The following FBH1 variants were observed in gnomAD, a reference collection of about 807,000 sequenced individuals.
The protein encoded by FBH1 is DNA 3'-5' helicase 1.
Under a neutral mutation model 115.5 loss-of-function variants are expected in FBH1, and 43 were observed. The ratio of observed to expected loss-of-function variants is 0.37; its 90% CI spans 0.29 to 0.48. The LOEUF (loss-of-function observed/expected upper bound fraction) is 0.48, where lower values mean the gene tolerates loss of function less well. Among genes scored for constraint, FBH1 ranks in the 20% least tolerant of loss-of-function variants. FBH1 has a pLI of 0.99. For missense variants in FBH1, 1,001 were observed against 1,337.3 expected (o/e 0.75, Z 3.92); for synonymous variants, 524 against 507.8 (o/e 1.03, Z -0.43).
Position 5,933,278 on chromosome 10 carries a change from C to T in FBH1, c.2830-3178C>T, listed in dbSNP as rs1283277809. 6.6e-6 allele frequency among the ~76,000 whole-genome samples: 1 copy of T among 152,160 alleles called. No individual in the cohort carries two copies. Among genetic ancestry groups the T allele is most frequent in the Non-Finnish European group, 1.5e-5 (1 of 68,030 alleles). ...TGGCGTATGCCTGTAATCCCAGCTA[C>T]TCAGGAGGCTGAGGCAGGAGAATCA... On this transcript the variant is annotated intron_variant, in intron 19 of 20. Coordinates refer to ENST00000362091, the MANE Select transcript of FBH1 (RefSeq NM_178150.3). This position sits in a 1 kb window ranked among gnomAD's most constrained non-coding sequence, Gnocchi z 4.9.
At chr10:5,904,204 G>C (rs1344716918) in intron 2 of FBH1, among the ~76,000 whole-genome samples, 1 of 151,784 alleles carries the variant, frequency 6.6e-6, no homozygotes, top group Non-Finnish European at 1.5e-5. Context: ...GCTAATTTTT[G>C]TATTTTTTTG....
intron 19 of FBH1, among the ~76,000 whole-genome samples, chr10:5,928,952 G>C (rs1308388921): frequency 6.6e-6 from 1 of 152,186 alleles, no homozygotes; most frequent in Non-Finnish European, 1.5e-5. Context: ...CTCTCGTGGG[G>C]TGAGCCGCGC....
intron 1 of FBH1, among the ~76,000 whole-genome samples, chr10:5,899,464 T>G (rs1215796884): frequency 2.0e-5 from 3 of 152,246 alleles, no homozygotes; most frequent in Non-Finnish European, 4.4e-5. Flanking sequence ...GTTATTTATT[T>G]TATTTTTTTC....
rs1843101912 is a variant in FBH1 at position 5,897,840 on chromosome 10, C to G, written c.2-5180C>G. ...TGTCTTTGTTAGATTTCTGCAAACACTTAATCTTCGCAACAAGCATTTTGG... is the reference window on the plus strand; with the variant it reads ...TGTCTTTGTTAGATTTCTGCAAACAGTTAATCTTCGCAACAAGCATTTTGG... On this transcript the variant is annotated intron_variant, in intron 1 of 20. Transcript: ENST00000362091. The surrounding 1 kb of genome is among the most constrained non-coding windows in gnomAD (Gnocchi z 4.7). Among the ~76,000 whole-genome samples the G allele has an allele frequency of 6.6e-6, 1 of 152,238 alleles. No homozygotes were observed. Among genetic ancestry groups the G allele is most frequent in the South Asian group, 2.1e-4 (1 of 4,824 alleles).
At position 5,900,839 on chromosome 10, in the gene FBH1, G is replaced by C. The variant is rs951126037; in HGVS notation, c.2-2181G>C. Among the ~76,000 whole-genome samples the C allele has an allele frequency of 6.6e-6, 1 of 152,200 alleles. No individual in the cohort carries two copies. Among genetic ancestry groups the C allele is most frequent in the Non-Finnish European group, 1.5e-5 (1 of 68,040 alleles). ...AAGCTGGGCACAGTGGCTCACATCTGTAATCCCAGCACTTTGGGAGGCCGA... is the reference window on the plus strand; with the variant it reads ...AAGCTGGGCACAGTGGCTCACATCTCTAATCCCAGCACTTTGGGAGGCCGA... On this transcript the variant is annotated intron_variant, in intron 1 of 20. Coordinates refer to ENST00000362091, the MANE Select transcript of FBH1 (RefSeq NM_178150.3). The surrounding 1 kb of genome is among the most constrained non-coding windows in gnomAD (Gnocchi z 4.2).
chr10:5,916,099 G>T, intron 9 of FBH1, 135 bp from the exon 10 acceptor site: 1 of 762,490 alleles, frequency 1.3e-6, no homozygotes, highest in South Asian at 1.8e-5. Flanking sequence ...GAACTTTTTC[G>T]CTTTAAAACA....
intron 1 of FBH1, among the ~76,000 whole-genome samples, chr10:5,890,772 C>G (rs780215430): frequency 6.6e-6 from 1 of 152,100 alleles, no homozygotes; most frequent in African/African-American, 2.4e-5. Context: ...GGTAGCTTCT[C>G]TGCCCCTCCT....
rs898401696 is a variant in FBH1 at position 5,923,040 on chromosome 10, A to T, written c.2323-581A>T. On this transcript the variant is annotated intron_variant, in intron 15 of 20. Transcript: ENST00000362091. This position sits in a 1 kb window ranked among gnomAD's most constrained non-coding sequence, Gnocchi z 5.7. ...TGGGACCATAGGCGCCTGCCACCAC[A>T]CCCGGCTAATTTTTGTATTTTTGGT... Among the ~76,000 whole-genome samples the T allele has an allele frequency of 1.5e-4, 22 of 151,684 alleles. No individual in the cohort carries two copies. Among genetic ancestry groups the T allele is most frequent in the Non-Finnish European group, 2.9e-4 (20 of 67,936 alleles).
chr10:5,910,693 T>G lies in FBH1; in HGVS notation c.1021-245T>G, dbSNP rs1831526741. Among the ~76,000 whole-genome samples the G allele has an allele frequency of 6.6e-6, 1 of 152,202 alleles. No individual in the cohort carries two copies. The highest frequency in any genetic ancestry group is 2.4e-5 in the African/African-American group (1 of 41,436). ...CTGTCCAAGGTTCTATGTTAGATAC[T>G]TCATCCGTGTTATTTAATTAAAGAA... On this transcript the variant is annotated intron_variant, in intron 5 of 20. Coordinates refer to ENST00000362091, the MANE Select transcript of FBH1 (RefSeq NM_178150.3). The surrounding 1 kb of genome is among the most constrained non-coding windows in gnomAD (Gnocchi z 4.8).
At position 5,916,373 on chromosome 10, in the gene FBH1, G is replaced by C; in HGVS notation, c.1705G>C (p.Glu569Gln). The C allele has an allele frequency of 6.2e-7, 1 of 1,614,234 alleles. No homozygotes were observed. The highest frequency in any genetic ancestry group is 8.5e-7 in the Non-Finnish European group (1 of 1,180,048). ...TLENFFASAD[E>Q]ELTIDHVPIW... ...AGAAAACTTCTTTGCCTCGGCTGAC[G>C]AAGAGCTGACCATTGATCACGTGCC... The change falls in exon 10 of 21, where the codon GAA (glutamate) becomes CAA (glutamine). Residue 569 changes from glutamate (E) to glutamine (Q), a missense_variant. This residue lies in a region of FBH1 where 521 missense variants were observed against 811.0 expected (regional missense o/e 0.64). Transcript: ENST00000362091.
At chr10:5,891,144 G>A in intron 1 of FBH1, 1 of 985,818 alleles carries the variant, frequency 1.0e-6, no homozygotes, top group Non-Finnish European at 1.2e-6. Context: ...AAGGCAGGAT[G>A]GTAGCATGTG....
At chr10:5,901,574 T>C (rs541071108) in intron 1 of FBH1, among the ~76,000 whole-genome samples, 113 of 150,284 alleles carry the variant, frequency 7.5e-4, no homozygotes, top group Middle Eastern at 3.4e-3. Flanking sequence ...TTTTCTTTTT[T>C]TTTTTTTTTT....
upstream of FBH1, chr10:5,890,189 G>A: frequency 3.0e-6 from 1 of 338,298 alleles, no homozygotes; most frequent in Non-Finnish European, 5.6e-6. Context: ...CGCTTCCCGG[G>A]GCTGCGGCGG....
At position 5,913,305 on chromosome 10, in the gene FBH1, T is replaced by C. The variant is rs1429837638; in HGVS notation, c.1212-442T>C. ...TTCATGCGTCTAAAGCAATGTCATG[T>C]CATAAGAGGTAGACAGTGGAGCGAC... On this transcript the variant is annotated intron_variant, in intron 6 of 20. Coordinates refer to ENST00000362091, the MANE Select transcript of FBH1 (RefSeq NM_178150.3). The surrounding 1 kb of genome is among the most constrained non-coding windows in gnomAD (Gnocchi z 4.4). Among the ~76,000 whole-genome samples, 1 of 152,198 alleles carries C rather than the reference T, an allele frequency of 6.6e-6. No homozygotes were observed. The highest frequency in any genetic ancestry group is 1.5e-5 in the Non-Finnish European group (1 of 68,038).
At chr10:5,905,469 G>A (rs562924950) in intron 2 of FBH1, among the ~76,000 whole-genome samples, 3 of 152,334 alleles carry the variant, frequency 2.0e-5, no homozygotes, top group East Asian at 1.9e-4. Flanking sequence ...AGTGAGCCAA[G>A]ATCACACCAC....
At chr10:5,927,806 T>C (rs1832742110) in intron 19 of FBH1, among the ~76,000 whole-genome samples, 1 of 152,146 alleles carries the variant, frequency 6.6e-6, no homozygotes, top group African/African-American at 2.4e-5. Flanking sequence ...GCACAGTGGC[T>C]TATGCCTGTA....
intron 2 of FBH1, 61 bp downstream of exon 2, chr10:5,903,236 C>T: frequency 7.6e-7 from 1 of 1,323,432 alleles, no homozygotes; most frequent in Non-Finnish European, 1.0e-6. Flanking sequence ...CTTTGACTAT[C>T]TCCTAGTTTA....
chr10:5,902,886 G>GGGGGAACGGTTGGCT (rs1843438334), intron 1 of FBH1, 134 bp from the exon 2 acceptor site: 2 of 694,328 alleles, frequency 2.9e-6, no homozygotes, highest in Admixed American at 3.7e-5. Context: ...GCAAGGGGAG[G>GGGGGAACGGTTGGCT]GGGGAACGGT....
intron 13 of FBH1, among the ~76,000 whole-genome samples, chr10:5,919,931 A>G (rs541263420): frequency 1.3e-5 from 2 of 152,358 alleles, no homozygotes; most frequent in South Asian, 2.1e-4. Flanking sequence ...ATCGTCTTAT[A>G]TTAATGTGGA....
Sources: gnomAD v4.1 joint callset for allele counts (sites outside exome capture counted in the v4.1 genomes callset) on GRCh38, gnomAD v4.1.1 for gene constraint, gnomAD v4.1.1 regional missense constraint, Gnocchi (gnomAD v3.1) non-coding constraint, MANE v1.5 for transcripts, NCBI Gene and HGNC (gene_info 2026-07-23, HGNC 2026-07-21) for gene names.